The following FAM168A variants were observed in gnomAD, a reference collection of about 807,000 sequenced individuals.
FAM168A encodes the protein protein FAM168A.
In FAM168A, 3 loss-of-function variants were observed where a neutral mutation model predicts 28.5. That is an observed-to-expected ratio of 0.11 (90% CI 0.05 to 0.27). FAM168A has a LOEUF of 0.27. Among genes scored for constraint, FAM168A ranks in the 10% least tolerant of loss-of-function variants. FAM168A has a pLI of 1.00. For synonymous variants in FAM168A, 122 were observed against 124.2 expected (o/e 0.98, Z 0.12); for missense variants, 222 against 311.5 (o/e 0.71, Z 2.16).
At chr11:73,447,090 C>T (rs1867330871) in intron 2 of FAM168A, among the ~76,000 whole-genome samples, 1 of 152,192 alleles carries the variant, frequency 6.6e-6, no homozygotes, top group African/African-American at 2.4e-5. Context: ...TGTCATTGTT[C>T]AGGCTCTTTT....
chr11:73,517,282 C>T (rs1233759671), intron 1 of FAM168A, among the ~76,000 whole-genome samples: 1 of 152,112 alleles, frequency 6.6e-6, no homozygotes, highest in Admixed American at 6.6e-5. Context: ...CCTCTCACCT[C>T]GGCCTCCCAA....
rs983813912 is a variant in FAM168A, at chr11:73,400,951, C to G, written c.*5812G>C. 1 of 152,044 alleles carries G rather than the reference C, an allele frequency of 6.6e-6. No individual in the cohort carries two copies. Among genetic ancestry groups the G allele is most frequent in the African/African-American group, 2.4e-5 (1 of 41,390 alleles). The allele number at this position is 152,044 out of a possible 1,614,324, so 9.4% of individuals were successfully genotyped here. A position where few individuals can be genotyped will look rare whatever the true frequency, so the allele number is the denominator to read the frequency against. On this transcript the variant is annotated 3_prime_UTR_variant, in exon 8 of 8. Transcript: ENST00000356467. ...CCCAAAAGAATCCAAAACAACAAAA[C>G]AAAACCAGATTTACACTTCATACAC...
At chr11:73,535,610 G>A (rs1316407953) in intron 1 of FAM168A, among the ~76,000 whole-genome samples, 6 of 151,566 alleles carry the variant, frequency 4.0e-5, no homozygotes, top group African/African-American at 1.2e-4. Flanking sequence ...TAGTAGAGAC[G>A]GGGTTTCACT....
At chr11:73,494,098 TATGTACAGTATGGAC>T (rs1854815452) in intron 1 of FAM168A, among the ~76,000 whole-genome samples, 1 of 152,014 alleles carries the variant, frequency 6.6e-6, no homozygotes, top group Non-Finnish European at 1.5e-5. Context: ...ACATGTACAT[TATGTACAGTATGGAC>T]ATGTACATTA....
At chr11:73,519,317 C>G (rs1248187809) in intron 1 of FAM168A, among the ~76,000 whole-genome samples, 1 of 152,082 alleles carries the variant, frequency 6.6e-6, no homozygotes, top group African/African-American at 2.4e-5. Flanking sequence ...TTCATTCATT[C>G]AGGCTTTCAA....
intron 1 of FAM168A, among the ~76,000 whole-genome samples, chr11:73,514,836 T>G (rs1680003952): frequency 7.4e-6 from 1 of 135,226 alleles, no homozygotes; most frequent in Admixed American, 7.0e-5. Context: ...CTGCCATCCA[T>G]CCATCCATCC....
At chr11:73,412,641 G>A (rs551787575) in intron 4 of FAM168A, among the ~76,000 whole-genome samples, 4 of 152,306 alleles carry the variant, frequency 2.6e-5, no homozygotes, top group African/African-American at 7.2e-5. Flanking sequence ...GCTCAGAAAA[G>A]GCAAGTCTTT....
chr11:73,514,563 T>C (rs1297183827), intron 1 of FAM168A, among the ~76,000 whole-genome samples: 1 of 152,164 alleles, frequency 6.6e-6, no homozygotes, highest in African/African-American at 2.4e-5. Context: ...TGAGGTGCAG[T>C]GGCTCACATC....
intron 1 of FAM168A, among the ~76,000 whole-genome samples, chr11:73,594,667 T>C (rs1326794404): frequency 6.6e-6 from 1 of 152,188 alleles, no homozygotes; most frequent in African/African-American, 2.4e-5. Context: ...CCCAAGTAGC[T>C]GGGATTACAG....
intron 2 of FAM168A, among the ~76,000 whole-genome samples, chr11:73,447,652 T>C (rs531601248): frequency 6.6e-5 from 10 of 151,984 alleles, no homozygotes; most frequent in African/African-American, 2.4e-4. Context: ...TGTGTTCTTA[T>C]ATGTCCCACA....
chr11:73,530,830 C>T (rs1213583623), intron 1 of FAM168A, among the ~76,000 whole-genome samples: 1 of 152,150 alleles, frequency 6.6e-6, no homozygotes, highest in Admixed American at 6.6e-5. Context: ...GTGCAGCCCC[C>T]ATATTTTACA....
chr11:73,482,905 A>AT (rs1867987040), intron 1 of FAM168A, among the ~76,000 whole-genome samples: 2 of 151,896 alleles, frequency 1.3e-5, no homozygotes, highest in Non-Finnish European at 2.9e-5. Context: ...CGCCCGGCTA[A>AT]TTTTTTGTAT....
chr11:73,513,203 T>A (rs972381093), intron 1 of FAM168A, among the ~76,000 whole-genome samples: 15 of 147,646 alleles, frequency 1.0e-4, no homozygotes, highest in East Asian at 7.8e-4. Context: ...TTTTTTTTTT[T>A]AATTTTTTTT....
chr11:73,438,914 A>G (rs1420832393), intron 2 of FAM168A, among the ~76,000 whole-genome samples: 3 of 151,790 alleles, frequency 2.0e-5, no homozygotes, highest in Non-Finnish European at 4.4e-5. Flanking sequence ...GACGGGAAAC[A>G]CTCTAACTGC....
At chr11:73,585,154 T>C (rs1590752382) in intron 1 of FAM168A, among the ~76,000 whole-genome samples, 1 of 152,218 alleles carries the variant, frequency 6.6e-6, no homozygotes, top group African/African-American at 2.4e-5. Context: ...ATTTCTCTAA[T>C]AAAGGTGTTT....
intron 2 of FAM168A, among the ~76,000 whole-genome samples, chr11:73,467,939 G>T (rs958636118): frequency 6.6e-6 from 1 of 152,176 alleles, no homozygotes; most frequent in African/African-American, 2.4e-5. Flanking sequence ...ATGGGAAATA[G>T]AAAGTTAGTG....
chr11:73,465,929 C>T (rs1867728027), intron 2 of FAM168A, among the ~76,000 whole-genome samples: 1 of 152,024 alleles, frequency 6.6e-6, no homozygotes, highest in East Asian at 1.9e-4. Flanking sequence ...CAGGTTTTGT[C>T]ACACAGTAAG....
chr11:73,446,061 G>A (rs1166596724), intron 2 of FAM168A, among the ~76,000 whole-genome samples: 1 of 152,162 alleles, frequency 6.6e-6, no homozygotes, highest in East Asian at 1.9e-4. Flanking sequence ...TTAACATTAA[G>A]GAGGTATCAG....
chr11:73,510,001 G>C (rs1179084412), intron 1 of FAM168A, among the ~76,000 whole-genome samples: 2 of 152,036 alleles, frequency 1.3e-5, no homozygotes, highest in African/African-American at 4.8e-5. Context: ...CTTGTGCTCT[G>C]GCCATATTAG....
Sources: gnomAD v4.1 joint callset for allele counts (sites outside exome capture counted in the v4.1 genomes callset) on GRCh38, gnomAD v4.1.1 for gene constraint, MANE v1.5 for transcripts, NCBI Gene and HGNC (gene_info 2026-07-23, HGNC 2026-07-21) for gene names.